Variants in BACH2 observed in about 807,000 individuals in gnomAD.
BACH2 encodes the protein BACH transcriptional regulator 2.
BACH2 carries 5 observed loss-of-function variants against 61.8 expected under a neutral mutation model. That is an observed-to-expected ratio of 0.08 (90% confidence interval 0.04 to 0.17). The LOEUF (loss-of-function observed/expected upper bound fraction) is 0.17, where lower values mean the gene tolerates loss of function less well. BACH2 is among the 10% of genes least tolerant of loss of function. The probability of loss-of-function intolerance (pLI) is 1.00; values close to 1 mark genes in which losing one functional copy is unlikely to be tolerated. For synonymous variants in BACH2, 446 were observed against 440.1 expected (o/e 1.01, Z -0.17); for missense variants, 824 against 1,091.1 (o/e 0.76, Z 3.45).
At chr6:90,001,358 C>T (rs530808734) in intron 6 of BACH2, 1 of 152,220 alleles carries the variant, frequency 6.6e-6, no homozygotes, top group Non-Finnish European at 1.5e-5. Flanking sequence ...CAGGGAAGGT[C>T]GTCCTCTTCA....
chr6:90,133,120 T>C (rs748464074), intron 4 of BACH2, among the ~76,000 whole-genome samples: 1 of 152,236 alleles, frequency 6.6e-6, no homozygotes, highest in Non-Finnish European at 1.5e-5. Context: ...AGATTTATCA[T>C]AGCTCCCAGA....
At chr6:90,051,061 C>G (rs1351993402) in intron 5 of BACH2, among the ~76,000 whole-genome samples, 1 of 151,998 alleles carries the variant, frequency 6.6e-6, no homozygotes, top group Non-Finnish European at 1.5e-5. Flanking sequence ...CTTTTACAGG[C>G]TGGTAATTTT....
chr6:89,986,377 T>C (rs551522216), intron 6 of BACH2, among the ~76,000 whole-genome samples: 2 of 152,284 alleles, frequency 1.3e-5, no homozygotes, highest in South Asian at 4.1e-4. Context: ...TTCTCTGTAA[T>C]AGAGATTTGC....
chr6:90,217,435 A>G (rs1329687433), intron 3 of BACH2, among the ~76,000 whole-genome samples: 2 of 152,222 alleles, frequency 1.3e-5, no homozygotes, highest in African/African-American at 4.8e-5. Context: ...GCTAAAAGAA[A>G]TAGCTGCACA....
At chr6:90,053,219 C>G (rs377707372) in intron 5 of BACH2, among the ~76,000 whole-genome samples, 2 of 152,132 alleles carry the variant, frequency 1.3e-5, no homozygotes, top group East Asian at 3.8e-4. Context: ...AATTTCTTTG[C>G]TTACAATTTC....
chr6:90,140,718 T>C (rs1273677922), intron 4 of BACH2, among the ~76,000 whole-genome samples: 1 of 152,204 alleles, frequency 6.6e-6, no homozygotes, highest in East Asian at 1.9e-4. Context: ...AAACATATTC[T>C]ACAGCAATAA....
intron 8 of BACH2, among the ~76,000 whole-genome samples, chr6:89,933,518 C>T (rs1271415511): frequency 6.6e-6 from 1 of 151,924 alleles, no homozygotes; most frequent in Non-Finnish European, 1.5e-5. Flanking sequence ...AACTCTAATG[C>T]AAACTATGGA....
intron 5 of BACH2, among the ~76,000 whole-genome samples, chr6:90,031,858 A>C (rs780328719): frequency 1.4e-4 from 22 of 152,356 alleles, no homozygotes; most frequent in Admixed American, 3.3e-4. Flanking sequence ...AAACTACTTT[A>C]AAGTTCATAC....
At position 89,947,867 on chromosome 6, in the gene BACH2, A is replaced by G. The variant is rs190598829; in HGVS notation, c.1836+2403T>C. Among the ~76,000 whole-genome samples the G allele has an allele frequency of 8.5e-3, 1,297 of 152,092 alleles. 15 individuals carry two copies. Among genetic ancestry groups the G allele is most frequent in the South Asian group, 0.055 (262 of 4,804 alleles). Reference sequence around the variant, plus strand: ...ATTACAGGTGTGAGCCACCGCGCCCAGCCATGGATTCCTTTTTTAAAGGTA... The same window carrying G: ...ATTACAGGTGTGAGCCACCGCGCCCGGCCATGGATTCCTTTTTTAAAGGTA... On this transcript the variant is annotated intron_variant, in intron 7 of 8. Coordinates refer to ENST00000257749, the MANE Select transcript of BACH2 (RefSeq NM_021813.4).
Position 90,252,982 on chromosome 6 carries a change from C to T in BACH2, c.-352-392G>A, listed in dbSNP as rs140998591. 9.8e-3 allele frequency among the ~76,000 whole-genome samples: 1,497 copies of T among 152,304 alleles called. 10 individuals are homozygous for T. The highest frequency in any genetic ancestry group is 0.044 in the Middle Eastern group (13 of 294). Reference sequence around the variant, plus strand: ...CTTTAGGGCCAGGTGCAGTGGCTCACGCCTATAATCCCAGCACTTTGGGAG... The same window carrying T: ...CTTTAGGGCCAGGTGCAGTGGCTCATGCCTATAATCCCAGCACTTTGGGAG... On this transcript the variant is annotated intron_variant, in intron 2 of 8. Coordinates refer to ENST00000257749, the MANE Select transcript of BACH2 (RefSeq NM_021813.4).
intron 5 of BACH2, among the ~76,000 whole-genome samples, chr6:90,024,309 T>C (rs908459225): frequency 1.8e-4 from 27 of 152,120 alleles, no homozygotes; most frequent in African/African-American, 6.5e-4. Context: ...ATCCTACAAC[T>C]TATGGTCAGG....
intron 4 of BACH2, among the ~76,000 whole-genome samples, chr6:90,129,655 T>C (rs925033764): frequency 6.6e-6 from 1 of 152,228 alleles, no homozygotes; most frequent in Non-Finnish European, 1.5e-5. Flanking sequence ...CAGTGGTTTG[T>C]AGTTATCCTT....
chr6:89,995,005 C>G (rs1342952680), intron 6 of BACH2, among the ~76,000 whole-genome samples: 1 of 152,150 alleles, frequency 6.6e-6, no homozygotes, highest in Non-Finnish European at 1.5e-5. Flanking sequence ...TTTTTCTGAT[C>G]ATCACCTTTC....
intron 1 of BACH2, among the ~76,000 whole-genome samples, chr6:90,295,394 G>A (rs1216196962): frequency 1.3e-5 from 2 of 152,150 alleles, no homozygotes; most frequent in Non-Finnish European, 2.9e-5. Context: ...TTCCCCTCAC[G>A]GTCCGAGTTC....
At chr6:90,000,153 T>C (rs1358889096) in intron 6 of BACH2, among the ~76,000 whole-genome samples, 1 of 152,236 alleles carries the variant, frequency 6.6e-6, no homozygotes, top group African/African-American at 2.4e-5. Context: ...CCTCCCTCTG[T>C]ATCAGCACCA....
At chr6:90,116,688 G>T (rs1417897115) in intron 4 of BACH2, 2 of 345,774 alleles carry the variant, frequency 5.8e-6, no homozygotes, top group East Asian at 6.8e-5. Context: ...GGCAGTGATG[G>T]TCAATACCAT....
At chr6:90,289,153 T>A (rs1289876656) in intron 1 of BACH2, among the ~76,000 whole-genome samples, 1 of 152,186 alleles carries the variant, frequency 6.6e-6, no homozygotes, top group Non-Finnish European at 1.5e-5. Flanking sequence ...CATCCAATAT[T>A]TTAGAGTGAG....
intron 6 of BACH2, among the ~76,000 whole-genome samples, chr6:89,954,060 T>C (rs942912156): frequency 3.9e-5 from 6 of 152,242 alleles, no homozygotes; most frequent in Admixed American, 6.5e-5. Context: ...CTGAAGAAGA[T>C]GACAAGAATG....
Position 90,157,299 on chromosome 6 carries a change from C to A in BACH2, c.-162+49270G>T, listed in dbSNP as rs2127831917. Among the ~76,000 whole-genome samples the A allele has an allele frequency of 2.0e-5, 3 of 152,308 alleles. No individual in the cohort carries two copies. The South Asian group carries it at 6.2e-4, about 32-fold the overall frequency. On this transcript the variant is annotated intron_variant, in intron 4 of 8. Coordinates refer to ENST00000257749, the MANE Select transcript of BACH2 (RefSeq NM_021813.4). ...ATATTCACTTGGTAGACCAACACTTCACAGAAATGAGAAAAGAGAAAACAA... is the reference window on the plus strand; with the variant it reads ...ATATTCACTTGGTAGACCAACACTTAACAGAAATGAGAAAAGAGAAAACAA...
Sources: allele counts gnomAD v4.1 joint callset (sites outside exome capture counted in the v4.1 genomes callset), GRCh38; gene constraint gnomAD v4.1.1; transcripts MANE v1.5; gene names NCBI Gene and HGNC (gene_info 2026-07-23, HGNC 2026-07-21).